NHEJ1: variants seen among roughly 807,000 people sequenced by gnomAD.
The protein encoded by NHEJ1 is non-homologous end joining factor 1.
A neutral mutation model predicts 39.4 loss-of-function variants in NHEJ1; 22 were observed. The observed-to-expected ratio is 0.56, with a 90% CI of 0.40 to 0.80. The LOEUF is 0.80. Among genes scored for constraint, NHEJ1 ranks in the 30% least tolerant of loss-of-function variants. NHEJ1 has a pLI of 0.00. For synonymous variants in NHEJ1, 154 were observed against 135.6 expected (o/e 1.14, Z -0.94); for missense variants, 329 against 357.1 (o/e 0.92, Z 0.63).
chr2:219,078,863 T>C (rs955513238), intron 5 of NHEJ1, among the ~76,000 whole-genome samples: 14 of 152,176 alleles, frequency 9.2e-5, no homozygotes, highest in Non-Finnish European at 1.5e-5. Flanking sequence ...TTTTAAAGTA[T>C]AAAGCGTGCA....
intron 5 of NHEJ1, among the ~76,000 whole-genome samples, chr2:219,096,360 C>T (rs1368247101): frequency 1.3e-5 from 2 of 152,160 alleles, no homozygotes; most frequent in African/African-American, 4.8e-5. Context: ...CGCAATCATG[C>T]CTAAAAGTAG....
intron 5 of NHEJ1, among the ~76,000 whole-genome samples, chr2:219,131,610 A>T (rs1006048897): frequency 6.6e-6 from 1 of 152,254 alleles, no homozygotes; most frequent in African/African-American, 2.4e-5. Flanking sequence ...TAGATAAATT[A>T]ATAAATAGTT....
intron 5 of NHEJ1, among the ~76,000 whole-genome samples, chr2:219,090,836 CT>C (rs1398886814): frequency 6.6e-6 from 1 of 152,206 alleles, no homozygotes; most frequent in Non-Finnish European, 1.5e-5. Flanking sequence ...CTTCAAGTGA[CT>C]GGTTTCTTCT....
intron 5 of NHEJ1, among the ~76,000 whole-genome samples, chr2:219,100,627 AG>A (rs1258015177): frequency 4.0e-5 from 6 of 150,040 alleles, no homozygotes; most frequent in Admixed American, 6.6e-5. Flanking sequence ...AAAAAAAAAA[AG>A]CAGCAATGAA....
intron 5 of NHEJ1, among the ~76,000 whole-genome samples, chr2:219,127,288 C>T (rs1374395447): frequency 6.6e-6 from 1 of 152,174 alleles, no homozygotes; most frequent in Non-Finnish European, 1.5e-5. Flanking sequence ...CAGGTTCCCA[C>T]TCCCTTCCTC....
intron 5 of NHEJ1, among the ~76,000 whole-genome samples, chr2:219,135,815 T>C (rs770529657): frequency 2.0e-5 from 3 of 152,194 alleles, no homozygotes; most frequent in Non-Finnish European, 4.4e-5. Context: ...CTGTCTCTTT[T>C]AGAAAACAAA....
rs1559206231 is a variant in NHEJ1 at position 219,159,554 on chromosome 2, T to TATATATAC, written c.-1+1165_-1+1166insGTATATAT. Reference sequence around the variant, plus strand: ...ATATATATGCATATATATATATGCATATATATATGCATATATATATGCATA... The same window carrying TATATATAC: ...ATATATATGCATATATATATATGCATATATATACATATATATGCATATATATATGCATA... On this transcript the variant is annotated intron_variant, in intron 1 of 7. Coordinates refer to ENST00000356853, the MANE Select transcript of NHEJ1 (RefSeq NM_024782.3). Among the ~76,000 whole-genome samples, 32 of 56,330 alleles carry TATATATAC rather than the reference T, an allele frequency of 5.7e-4. 1 individual carries two copies. The highest frequency in any genetic ancestry group is 1.2e-3 in the Admixed American group (6 of 5,214). The allele number at this position is 56,330 out of a possible 152,430, so 37.0% of individuals were successfully genotyped here.
intron 5 of NHEJ1, among the ~76,000 whole-genome samples, chr2:219,112,195 A>T (rs541901381): frequency 2.1e-3 from 315 of 152,358 alleles, no homozygotes; most frequent in African/African-American, 7.3e-3. Context: ...AGCAAGAGTC[A>T]TAAGGTAGAA....
chr2:219,144,458 G>A (rs1559201519), intron 5 of NHEJ1, among the ~76,000 whole-genome samples: 4 of 152,014 alleles, frequency 2.6e-5, no homozygotes, highest in Non-Finnish European at 4.4e-5. Flanking sequence ...TATAGTAGCA[G>A]GGAAGAAGAA....
At chr2:219,077,808 T>C (rs867608021) in intron 6 of NHEJ1, among the ~76,000 whole-genome samples, 3 of 152,276 alleles carry the variant, frequency 2.0e-5, no homozygotes, top group South Asian at 2.1e-4. Context: ...GTTCTTTTGC[T>C]AACCCTTCTA....
At chr2:219,089,453 G>C (rs1447342526) in intron 5 of NHEJ1, among the ~76,000 whole-genome samples, 1 of 152,178 alleles carries the variant, frequency 6.6e-6, no homozygotes, top group East Asian at 1.9e-4. Flanking sequence ...TGAACCTTGA[G>C]AACATAATGC....
At chr2:219,123,731 T>C (rs1949491517) in intron 5 of NHEJ1, among the ~76,000 whole-genome samples, 1 of 151,922 alleles carries the variant, frequency 6.6e-6, no homozygotes, top group Admixed American at 6.6e-5. Flanking sequence ...TCAAAGGCCT[T>C]CACCCCTTAG....
In NHEJ1 at chr2:219,111,664, G is replaced by C. The variant is rs60498053; in HGVS notation, c.589-33458C>G. Among the ~76,000 whole-genome samples the C allele has an allele frequency of 0.71, 99,846 of 139,992 alleles. 35,314 individuals are homozygous for C. Among genetic ancestry groups the C allele is most frequent in the Non-Finnish European group, 0.77 (49,866 of 64,800 alleles). 91.8% of individuals were successfully genotyped at this position (139,992 alleles called of 152,430 possible). On this transcript the variant is annotated intron_variant, in intron 5 of 7. Transcript: ENST00000356853. This position sits in a 1 kb window ranked among gnomAD's most constrained non-coding sequence, Gnocchi z 4.1. ...ACACACACACACACACACACACACA[G>C]AGAGATACATACAGTCAGTGGGAAA...
At chr2:219,093,134 T>C (rs1196944986) in intron 5 of NHEJ1, among the ~76,000 whole-genome samples, 5 of 152,138 alleles carry the variant, frequency 3.3e-5, no homozygotes, top group Admixed American at 2.0e-4. Flanking sequence ...ACGTATACTC[T>C]AGATTCTGTA....
chr2:219,157,729 C>G, intron 2 of NHEJ1, 45 bp from the exon 3 acceptor site: 1 of 1,494,396 alleles, frequency 6.7e-7, no homozygotes, highest in Non-Finnish European at 9.2e-7. Context: ...TAAAAGGAAA[C>G]TAATTCCCTC....
intron 3 of NHEJ1, among the ~76,000 whole-genome samples, chr2:219,156,324 A>G (rs976545447): frequency 1.3e-5 from 2 of 152,256 alleles, no homozygotes; most frequent in African/African-American, 4.8e-5. Flanking sequence ...CCAGTCATCT[A>G]TTGATGCCAA....
intron 5 of NHEJ1, among the ~76,000 whole-genome samples, chr2:219,112,922 C>G (rs962578027): frequency 3.3e-5 from 5 of 152,102 alleles, no homozygotes; most frequent in Admixed American, 2.6e-4. Context: ...AATCACAATT[C>G]TGAAAGTATT....
chr2:219,130,776 A>C (rs1574730752), intron 5 of NHEJ1, among the ~76,000 whole-genome samples: 1 of 152,152 alleles, frequency 6.6e-6, no homozygotes, highest in South Asian at 2.1e-4. Flanking sequence ...TCCAAATAAT[A>C]GTCTGTGATG....
At position 219,092,839 on chromosome 2, in the gene NHEJ1, G is replaced by C. The variant is rs1949173460; in HGVS notation, c.589-14633C>G. ...AAACAAATTGGCTGTGGGGGGCAGA[G>C]ATAAGAGATCTTGAGATCCCAGAGA... is the stretch of plus-strand genomic sequence containing the variant. On this transcript the variant is annotated intron_variant, in intron 5 of 7. Coordinates refer to ENST00000356853, the MANE Select transcript of NHEJ1 (RefSeq NM_024782.3). Among the ~76,000 whole-genome samples the C allele has an allele frequency of 2.0e-5, 3 of 152,174 alleles. No individual in the cohort carries two copies. In the South Asian group the frequency reaches 6.2e-4, roughly 31 times the overall value.
Sources: gnomAD v4.1 joint callset for allele counts (sites outside exome capture counted in the v4.1 genomes callset) on GRCh38, gnomAD v4.1.1 for gene constraint, Gnocchi (gnomAD v3.1) non-coding constraint, MANE v1.5 for transcripts, NCBI Gene and HGNC (gene_info 2026-07-23, HGNC 2026-07-21) for gene names.